The following CAMKV variants were observed in gnomAD, a reference collection of about 807,000 sequenced individuals.
The protein encoded by CAMKV is CaM kinase like vesicle associated, also known as caM kinase-like vesicle-associated protein.
In CAMKV, 5 loss-of-function variants were observed where a neutral mutation model predicts 50.2. That is an observed-to-expected ratio of 0.10 (90% confidence interval 0.05 to 0.21). The LOEUF is 0.21. Ranked by LOEUF, CAMKV falls within the 10% of genes least tolerant of loss-of-function variation. CAMKV has a pLI of 1.00. For missense variants in CAMKV, 361 were observed against 650.5 expected, an observed-to-expected ratio of 0.55 and a Z score of 4.84; for synonymous variants, 229 against 250.1, an observed-to-expected ratio of 0.92 and a Z score of 0.80.
In CAMKV at chr3:49,859,785, T is replaced by C. The variant is rs1238167908; in HGVS notation, c.1039A>G (p.Thr347Ala). 6.4e-7 allele frequency: 1 copy of C among 1,555,062 alleles called. No individual in the cohort carries two copies. Among genetic ancestry groups the C allele is most frequent in the Non-Finnish European group, 8.7e-7 (1 of 1,152,610 alleles). ...AQSASATDTATPGAAGGATAA... is the reference protein window; with the variant it reads ...AQSASATDTAAPGAAGGATAA... ...GTGGCCCCACCTGCAGCCCCGGGGG[T>C]GGCAGTGTCTGTGGCTGAGGCCGAC... The change falls in exon 11 of 11, where the codon ACC becomes GCC. Residue 347 changes from threonine (T) to alanine (A), a missense_variant. Thr to Ala is a moderately conservative substitution (Grantham distance 58). Transcript: ENST00000477224. The surrounding 1 kb of genome is among the most constrained non-coding windows in gnomAD (Gnocchi z 5.5).
chr3:49,865,650 C>T (rs1343203831), intron 1 of CAMKV, among the ~76,000 whole-genome samples: 1 of 152,234 alleles, frequency 6.6e-6, no homozygotes, highest in African/African-American at 2.4e-5. Context: ...GCAGCTGCCA[C>T]ATGAGCGAGG....
rs1226815516 is a variant in CAMKV at position 49,869,522 on chromosome 3, C to G, written c.-15+236G>C. 6.6e-6 allele frequency among the ~76,000 whole-genome samples: 1 copy of G among 152,148 alleles called. No homozygotes were observed. Among genetic ancestry groups the G allele is most frequent in the Non-Finnish European group, 1.5e-5 (1 of 68,030 alleles). On this transcript the variant is annotated intron_variant, in intron 1 of 10. Coordinates refer to ENST00000477224, the MANE Select transcript of CAMKV (RefSeq NM_024046.5). The surrounding 1 kb of genome is among the most constrained non-coding windows in gnomAD (Gnocchi z 5.2). ...GGGTTAATCTTTTCACAATTCCGAG[C>G]CGCAGAAGCTTCCCCCCAGAACCCC...
At chr3:49,867,867 G>A (rs13326300) in intron 1 of CAMKV, among the ~76,000 whole-genome samples, 12,107 of 152,216 alleles carry the variant, frequency 0.08, 517 homozygotes, top group African/African-American at 0.11. Flanking sequence ...GGAGGTGGAC[G>A]GGAGTTCTGA....
At chr3:49,863,430 C>T (rs1253229394) in intron 1 of CAMKV, 1 of 151,714 alleles carries the variant, frequency 6.6e-6, no homozygotes, top group African/African-American at 2.4e-5. Flanking sequence ...TTCATGGGCA[C>T]AAGCCCACTA....
chr3:49,862,278 C>G lies in CAMKV; in HGVS notation c.95+16G>C. 1 of 1,613,718 alleles carries G rather than the reference C, an allele frequency of 6.2e-7. No homozygotes were observed. The highest frequency in any genetic ancestry group is 8.5e-7 in the Non-Finnish European group (1 of 1,179,588). On this transcript the variant is annotated intron_variant, in intron 2 of 10. Coordinates refer to ENST00000477224, the MANE Select transcript of CAMKV (RefSeq NM_024046.5). The surrounding 1 kb of genome is among the most constrained non-coding windows in gnomAD (Gnocchi z 5.2). ...CACCAGCCCACCCAGCCTTGCCTGACAGGCCCGGCACTCACGTCTTGATGA... is the reference window on the plus strand; with the variant it reads ...CACCAGCCCACCCAGCCTTGCCTGAGAGGCCCGGCACTCACGTCTTGATGA...
At position 49,861,373 on chromosome 3, in the gene CAMKV, A is replaced by C. The variant is rs1309188980; in HGVS notation, c.441+66T>G. The C allele has an allele frequency of 5.6e-6, 9 of 1,612,928 alleles. No homozygotes were observed. The African/African-American group carries it at 9.3e-5, about 17-fold the overall frequency. The stretch of plus-strand genomic sequence containing the variant: ...CCTTGGAGGCTAGACCAAGGCCCTG[A>C]GGTGCTGCCCACCCCAGCACCAGCC... On this transcript the variant is annotated intron_variant, in intron 5 of 10. Transcript: ENST00000477224. This position sits in a 1 kb window ranked among gnomAD's most constrained non-coding sequence, Gnocchi z 7.7.
In CAMKV at chr3:49,860,031, G is replaced by A. The variant is rs1328588245; in HGVS notation, c.942+140C>T. On this transcript the variant is annotated intron_variant, in intron 10 of 10. Coordinates refer to ENST00000477224, the MANE Select transcript of CAMKV (RefSeq NM_024046.5). The surrounding 1 kb of genome is among the most constrained non-coding windows in gnomAD (Gnocchi z 6.1). ...TCAGCTGCTCAGCACTCCTACTTAA[G>A]GTAATCACAGTGGCTACACCCACAC... is the stretch of plus-strand genomic sequence containing the variant. 12 of 1,052,856 alleles carry A rather than the reference G, an allele frequency of 1.1e-5. No individual in the cohort carries two copies. The highest frequency in any genetic ancestry group is 1.5e-5 in the Non-Finnish European group (11 of 712,840). 65.2% of individuals were successfully genotyped at this position (1,052,856 alleles called of 1,614,324 possible).
At position 49,860,700 on chromosome 3, in the gene CAMKV, G is replaced by A; in HGVS notation, c.775+16C>T. On this transcript the variant is annotated intron_variant, in intron 8 of 10. Coordinates refer to ENST00000477224, the MANE Select transcript of CAMKV (RefSeq NM_024046.5). The surrounding 1 kb of genome is among the most constrained non-coding windows in gnomAD (Gnocchi z 6.1). ...TCCCTTGCGTTCTACCAAGTGCTGGGCAGGCACCTCCTCACCTGCCTGCGA... is the reference window on the plus strand; with the variant it reads ...TCCCTTGCGTTCTACCAAGTGCTGGACAGGCACCTCCTCACCTGCCTGCGA... The A allele has an allele frequency of 6.2e-7, 1 of 1,613,950 alleles. No individual in the cohort carries two copies.
chr3:49,859,290 C>A lies in CAMKV; in HGVS notation c.*28G>T, dbSNP rs1445244229. 1.3e-6 allele frequency: 2 copies of A among 1,505,936 alleles called. No individual in the cohort carries two copies. The highest frequency in any genetic ancestry group is 8.8e-7 in the Non-Finnish European group (1 of 1,130,122). 93.3% of individuals were successfully genotyped at this position (1,505,936 alleles called of 1,614,324 possible). On this transcript the variant is annotated 3_prime_UTR_variant, in exon 11 of 11. Transcript: ENST00000477224. The surrounding 1 kb of genome is among the most constrained non-coding windows in gnomAD (Gnocchi z 5.5). ...CCACTCTCCCACCCTCCTGCCCATC[C>A]CCTGCCCCCCCTCACCAGGCTGCCT... is the stretch of plus-strand genomic sequence containing the variant.
At position 49,859,941 on chromosome 3, in the gene CAMKV, A is replaced by G. The variant is rs1451538149; in HGVS notation, c.943-60T>C. 5.5e-6 allele frequency: 8 copies of G among 1,466,870 alleles called. No individual in the cohort carries two copies. Among genetic ancestry groups the G allele is most frequent in the African/African-American group, 1.4e-5 (1 of 70,954 alleles). 90.9% of individuals were successfully genotyped at this position (1,466,870 alleles called of 1,614,324 possible). A position where few individuals can be genotyped will look rare whatever the true frequency, so the allele number is the denominator to read the frequency against. On this transcript the variant is annotated intron_variant, in intron 10 of 10. Transcript: ENST00000477224. The surrounding 1 kb of genome is among the most constrained non-coding windows in gnomAD (Gnocchi z 5.5). Reference sequence around the variant, plus strand: ...AGGCTTGCTGGATCCATTGCTTGGCAGTGACCAAACCAAACTCCTTCCATA... The same window carrying G: ...AGGCTTGCTGGATCCATTGCTTGGCGGTGACCAAACCAAACTCCTTCCATA...
At chr3:49,866,787 G>T (rs2082068547) in intron 1 of CAMKV, among the ~76,000 whole-genome samples, 1 of 152,234 alleles carries the variant, frequency 6.6e-6, no homozygotes, top group South Asian at 2.1e-4. Flanking sequence ...GCATCTTTAG[G>T]TAAGTCTGGC....
At chr3:49,867,065 C>T (rs1008106418) in intron 1 of CAMKV, among the ~76,000 whole-genome samples, 2 of 152,230 alleles carry the variant, frequency 1.3e-5, no homozygotes, top group Non-Finnish European at 1.5e-5. Flanking sequence ...TGAACACCAG[C>T]CTGCAGGCAC....
chr3:49,866,436 G>A (rs769817786), intron 1 of CAMKV, among the ~76,000 whole-genome samples: 1 of 152,324 alleles, frequency 6.6e-6, no homozygotes, highest in South Asian at 2.1e-4. Context: ...TCTCCTCTCA[G>A]CAACACAGGA....
chr3:49,859,630 AGTGGCTGGGGTGGCACTTCCATCT>A lies in CAMKV; in HGVS notation c.1170_1193del (p.Ala394_Ser401del), dbSNP rs1227751856. The A allele has an allele frequency of 1.4e-5, 22 of 1,613,910 alleles. No individual in the cohort carries two copies. Among genetic ancestry groups the A allele is most frequent in the Non-Finnish European group, 1.5e-5 (18 of 1,179,984 alleles). On this transcript the variant is annotated inframe_deletion, in exon 11 of 11. Coordinates refer to ENST00000477224, the MANE Select transcript of CAMKV (RefSeq NM_024046.5). The surrounding 1 kb of genome is among the most constrained non-coding windows in gnomAD (Gnocchi z 5.5). ...CGGTGGCTGGGGTGACACTGCCATC[AGTGGCTGGGGTGGCACTTCCATCT>A]GTGGCTGGGGTGGCACTACGGTCTG...
In CAMKV at chr3:49,859,268, C is replaced by G; in HGVS notation, c.*50G>C. ...TGTACAGTGAGAAGCCCCTCATCCA[C>G]TCTCCCACCCTCCTGCCCATCCCCT... On this transcript the variant is annotated 3_prime_UTR_variant, in exon 11 of 11. Transcript: ENST00000477224. The surrounding 1 kb of genome is among the most constrained non-coding windows in gnomAD (Gnocchi z 5.5). 2.1e-6 allele frequency: 3 copies of G among 1,455,308 alleles called. No individual in the cohort carries two copies. The highest frequency in any genetic ancestry group is 2.8e-6 in the Non-Finnish European group (3 of 1,090,006). 90.1% of individuals were successfully genotyped at this position (1,455,308 alleles called of 1,614,324 possible).
intron 1 of CAMKV, among the ~76,000 whole-genome samples, chr3:49,866,989 G>A (rs2082070374): frequency 6.6e-6 from 1 of 152,232 alleles, no homozygotes; most frequent in Non-Finnish European, 1.5e-5. Context: ...GGCCAGGAGG[G>A]GCCCAAGAGG....
In CAMKV at chr3:49,859,143, CAT is replaced by C; in HGVS notation, c.*173_*174del. On this transcript the variant is annotated 3_prime_UTR_variant, in exon 11 of 11. Coordinates refer to ENST00000477224, the MANE Select transcript of CAMKV (RefSeq NM_024046.5). The surrounding 1 kb of genome is among the most constrained non-coding windows in gnomAD (Gnocchi z 5.5). ...CACTGGCCTGCCCACCACTCACACA[CAT>C]ACACACAGGAGACGAGACTGCTCTC... 1.7e-6 allele frequency: 1 copy of C among 579,508 alleles called. No individual in the cohort carries two copies. The highest frequency in any genetic ancestry group is 3.0e-6 in the Non-Finnish European group (1 of 338,960). 35.9% of individuals were successfully genotyped at this position (579,508 alleles called of 1,614,324 possible). A position where few individuals can be genotyped will look rare whatever the true frequency, so the allele number is the denominator to read the frequency against.
intron 1 of CAMKV, chr3:49,863,372 T>A (rs1362688497): frequency 6.6e-6 from 1 of 152,374 alleles, no homozygotes; most frequent in Non-Finnish European, 1.5e-5. Context: ...TCTTTCTTTT[T>A]TTAGAGACAA....
chr3:49,863,032 T>C (rs926930007), intron 1 of CAMKV, among the ~76,000 whole-genome samples: 1 of 152,228 alleles, frequency 6.6e-6, no homozygotes, highest in African/African-American at 2.4e-5. Flanking sequence ...CAACAGGATG[T>C]ATTGTGGTAG....
Sources: gnomAD v4.1 joint callset for allele counts (sites outside exome capture counted in the v4.1 genomes callset) on GRCh38, gnomAD v4.1.1 for gene constraint, Gnocchi (gnomAD v3.1) non-coding constraint, MANE v1.5 for transcripts, NCBI Gene and HGNC (gene_info 2026-07-23, HGNC 2026-07-21) for gene names.